The following DNAH7 variants were observed in gnomAD, a reference collection of about 807,000 sequenced individuals.
DNAH7 encodes the protein axonemal beta dynein heavy chain 7.
DNAH7 carries 397 observed loss-of-function variants against 444.6 expected under a neutral mutation model. That is an observed-to-expected ratio of 0.89 (90% confidence interval 0.82 to 0.97). DNAH7 has a LOEUF of 0.97. Ranked by LOEUF, DNAH7 falls within the 50% of genes least tolerant of loss-of-function variation. The probability of loss-of-function intolerance (pLI) is 0.00; values close to 1 mark genes in which losing one functional copy is unlikely to be tolerated. For missense variants in DNAH7, 4,902 were observed against 4,800.8 expected, an observed-to-expected ratio of 1.02 and a Z score of -0.62; for synonymous variants, 1,636 against 1,624.4, an observed-to-expected ratio of 1.01 and a Z score of -0.17.
rs76253384 is a variant in DNAH7, at chr2:196,024,630, G to A, written c.668-126C>T. On this transcript the variant is annotated intron_variant, in intron 7 of 64. Transcript: ENST00000312428. Reference sequence around the variant, plus strand: ...TTATATTAAAGTTGTTTAATAATGAGAAATTTGTGCATTTATGAGGAGAAG... The same window carrying A: ...TTATATTAAAGTTGTTTAATAATGAAAAATTTGTGCATTTATGAGGAGAAG... The A allele has an allele frequency of 6.1e-3, 3,115 of 514,120 alleles. 72 individuals are homozygous for A. The highest frequency in any genetic ancestry group is 0.054 in the African/African-American group (2,653 of 49,486). 31.8% of individuals were successfully genotyped at this position (514,120 alleles called of 1,614,324 possible).
intron 23 of DNAH7, 30 bp downstream of exon 23, chr2:195,923,565 T>G: frequency 6.2e-7 from 1 of 1,600,124 alleles, no homozygotes. Flanking sequence ...GAAATTGCTG[T>G]GTAATATAAC....
chr2:195,885,228 A>C (rs1289888156), intron 34 of DNAH7, among the ~76,000 whole-genome samples: 1 of 152,226 alleles, frequency 6.6e-6, no homozygotes, highest in Non-Finnish European at 1.5e-5. Context: ...GAACAAATTT[A>C]AATGATTTTA....
chr2:196,032,791 C>G (rs1365561268), intron 5 of DNAH7, among the ~76,000 whole-genome samples: 1 of 152,124 alleles, frequency 6.6e-6, no homozygotes. Flanking sequence ...GGCCTGATAT[C>G]AAAGCCAGAC....
At chr2:195,861,251 C>T (rs1239498507) in intron 42 of DNAH7, among the ~76,000 whole-genome samples, 1 of 151,620 alleles carries the variant, frequency 6.6e-6, no homozygotes, top group East Asian at 1.9e-4. Context: ...CACAAGTCAC[C>T]CTCCAGAACA....
chr2:195,906,747 G>C lies in DNAH7; in HGVS notation c.4247C>G (p.Thr1416Ser). ...ACATGTGGGGTCAAGTTTTAGTTCA[G>C]TTCCTTCAAACATCAGTATATCAGC... ...AGADILMFEG[T>S]ELKLDPTCAV... The change falls in exon 27 of 65, where the codon ACT becomes AGT. Residue 1416 changes from threonine (T) to serine (S), a missense_variant. Transcript: ENST00000312428. 1 of 1,613,408 alleles carries C rather than the reference G, an allele frequency of 6.2e-7. No individual in the cohort carries two copies. Among genetic ancestry groups the C allele is most frequent in the Non-Finnish European group, 8.5e-7 (1 of 1,179,578 alleles).
chr2:196,020,446 G>A (rs1351900239), intron 8 of DNAH7, among the ~76,000 whole-genome samples: 1 of 152,008 alleles, frequency 6.6e-6, no homozygotes, highest in East Asian at 1.9e-4. Context: ...TGTGTATATA[G>A]TAAGTTTAAT....
intron 34 of DNAH7, among the ~76,000 whole-genome samples, 199 bp from the exon 35 acceptor site, chr2:195,885,008 A>G (rs1311549212): frequency 2.0e-5 from 3 of 152,224 alleles, no homozygotes; most frequent in Non-Finnish European, 2.9e-5. Flanking sequence ...ATCTTAGAGA[A>G]GATGATACAA....
intron 51 of DNAH7, among the ~76,000 whole-genome samples, chr2:195,815,979 G>C: frequency 6.6e-6 from 1 of 152,192 alleles, no homozygotes; most frequent in Non-Finnish European, 1.5e-5. Flanking sequence ...GCGACAGAGT[G>C]AGCCTCCGTC....
chr2:196,067,297 C>A (rs1698480164), intron 1 of DNAH7, among the ~76,000 whole-genome samples: 1 of 152,074 alleles, frequency 6.6e-6, no homozygotes, highest in Admixed American at 6.6e-5. Context: ...CAAGATCTGG[C>A]CGAAGACTAA....
intron 1 of DNAH7, among the ~76,000 whole-genome samples, chr2:196,062,183 CTTT>C (rs1483286298): frequency 6.6e-6 from 1 of 152,168 alleles, no homozygotes; most frequent in African/African-American, 2.4e-5. Context: ...TCCTATATTT[CTTT>C]GTTTTGACTG....
chr2:195,939,931 A>T (rs540229801), intron 19 of DNAH7, among the ~76,000 whole-genome samples: 65 of 152,340 alleles, frequency 4.3e-4, no homozygotes, highest in African/African-American at 1.5e-3. Flanking sequence ...CAATATCATG[A>T]AACTGGCCAT....
chr2:196,023,242 C>T (rs1231467182), intron 8 of DNAH7, among the ~76,000 whole-genome samples: 5 of 152,004 alleles, frequency 3.3e-5, no homozygotes, highest in Non-Finnish European at 1.5e-5. Context: ...ATGTGAGATG[C>T]CTGCTCCCAT....
intron 48 of DNAH7, among the ~76,000 whole-genome samples, chr2:195,833,828 T>C (rs1698193361): frequency 6.6e-6 from 1 of 152,096 alleles, no homozygotes. Context: ...CTCTCTCGGC[T>C]CACTGCAACC....
chr2:195,984,371 C>T (rs1054697928), intron 15 of DNAH7, among the ~76,000 whole-genome samples: 8 of 151,824 alleles, frequency 5.3e-5, no homozygotes, highest in African/African-American at 1.9e-4. Context: ...TTTTTTGAGA[C>T]AGAGTATTGC....
At chr2:195,762,395 G>A (rs746333726) in intron 61 of DNAH7, among the ~76,000 whole-genome samples, 3 of 152,124 alleles carry the variant, frequency 2.0e-5, no homozygotes, top group African/African-American at 4.8e-5. Flanking sequence ...AATGTTGAAT[G>A]TAAATGGACT....
At chr2:195,917,629 C>T (rs543444407) in intron 24 of DNAH7, among the ~76,000 whole-genome samples, 2 of 152,284 alleles carry the variant, frequency 1.3e-5, no homozygotes, top group Non-Finnish European at 2.9e-5. Context: ...CTGGCTTATG[C>T]CCTTCTGTCA....
At chr2:195,845,546 C>G (rs1185534254) in intron 46 of DNAH7, among the ~76,000 whole-genome samples, 1 of 152,092 alleles carries the variant, frequency 6.6e-6, no homozygotes, top group Non-Finnish European at 1.5e-5. Context: ...ATAAAGAGCC[C>G]GAATAGCCAA....
At chr2:195,930,336 G>C (rs565986038) in intron 21 of DNAH7, among the ~76,000 whole-genome samples, 1 of 151,162 alleles carries the variant, frequency 6.6e-6, no homozygotes, top group African/African-American at 2.4e-5. Flanking sequence ...GCGAGACACC[G>C]CCTCAAAAAA....
At chr2:195,824,873 G>C (rs1697649958) in intron 48 of DNAH7, 1 of 152,676 alleles carries the variant, frequency 6.5e-6, no homozygotes, top group Non-Finnish European at 1.5e-5. Context: ...CAGGAAGAAA[G>C]GTATAAATAA....
Sources: gnomAD v4.1 joint callset for allele counts (sites outside exome capture counted in the v4.1 genomes callset) on GRCh38, gnomAD v4.1.1 for gene constraint, MANE v1.5 for transcripts, NCBI Gene and HGNC (gene_info 2026-07-23, HGNC 2026-07-21) for gene names.